The following SLC5A4 variants were observed in gnomAD, a reference collection of about 807,000 sequenced individuals.
SLC5A4 encodes the protein solute carrier family 5 member 4.
A neutral mutation model predicts 70.3 loss-of-function variants in SLC5A4; 55 were observed. The ratio of observed to expected loss-of-function variants is 0.78; its 90% CI spans 0.63 to 0.98. The LOEUF is 0.98. Ranked by LOEUF, SLC5A4 falls within the 50% of genes least tolerant of loss-of-function variation. The pLI, the probability that SLC5A4 is intolerant of heterozygous loss-of-function variation, is 0.00. For synonymous variants in SLC5A4, 268 were observed against 305.7 expected, an observed-to-expected ratio of 0.88 and a Z score of 1.29; for missense variants, 735 against 839.2, an observed-to-expected ratio of 0.88 and a Z score of 1.53.
the SLC5A4 span, among the ~76,000 whole-genome samples, chr22:32,331,719 G>A: frequency 1.3e-5 from 2 of 152,090 alleles, no homozygotes; most frequent in African/African-American, 2.4e-5. Context: ...GGGAAGCAAG[G>A]GACATCGCAG....
intron 14 of SLC5A4, among the ~76,000 whole-genome samples, chr22:32,219,526 G>A (rs893715206): frequency 3.3e-5 from 5 of 149,730 alleles, no homozygotes; most frequent in Admixed American, 6.7e-5. Flanking sequence ...TTACTTTGAG[G>A]GAAATGTATA....
chr22:32,230,322 C>T (rs759197290), intron 10 of SLC5A4, among the ~76,000 whole-genome samples: 5 of 152,122 alleles, frequency 3.3e-5, no homozygotes, highest in Non-Finnish European at 7.4e-5. Context: ...TACCCTACTC[C>T]ATTTCTGTTC....
the SLC5A4 span, among the ~76,000 whole-genome samples, chr22:32,317,677 G>A: frequency 6.6e-6 from 1 of 152,082 alleles, no homozygotes; most frequent in Non-Finnish European, 1.5e-5. Context: ...TTTTGCCCAG[G>A]CTGATCTTGA....
At chr22:32,309,243 G>C in the SLC5A4 span, among the ~76,000 whole-genome samples, 1 of 152,158 alleles carries the variant, frequency 6.6e-6, no homozygotes, top group African/African-American at 2.4e-5. Flanking sequence ...ACACAGATGA[G>C]AGGGAAAGCA....
chr22:32,291,413 G>A, the SLC5A4 span, among the ~76,000 whole-genome samples: 1 of 151,994 alleles, frequency 6.6e-6, no homozygotes, highest in Non-Finnish European at 1.5e-5. Context: ...TCCTGACCTC[G>A]TGATCCACCC....
chr22:32,301,878 G>A, the SLC5A4 span, among the ~76,000 whole-genome samples: 21 of 151,942 alleles, frequency 1.4e-4, no homozygotes, highest in Admixed American at 1.0e-3. Flanking sequence ...TGGTCAGTTG[G>A]TTTTTGATAG....
At chr22:32,228,350 G>A (rs1925527671) in intron 11 of SLC5A4, among the ~76,000 whole-genome samples, 1 of 152,062 alleles carries the variant, frequency 6.6e-6, no homozygotes, top group East Asian at 1.9e-4. Flanking sequence ...AGACCAGCCC[G>A]GCCAACGATG....
In SLC5A4 at chr22:32,224,399, G is replaced by T; in HGVS notation, c.1533C>A (p.Cys511Ter). 6.2e-7 allele frequency: 1 copy of T among 1,613,794 alleles called. No homozygotes were observed. The change falls in exon 13 of 15, where the codon TGC becomes TGA. Residue 511 changes from cysteine to a stop codon, truncating the protein, a stop_gained. Transcript: ENST00000266086. LOFTEE classifies it high-confidence loss of function. ...ITEFAYGTGSCLAPSNCPKII... is the reference protein window; with the variant it reads ...ITEFAYGTGS ...TCTTGGGACAGTTACTGGGAGCCAAGCAACTCCCTGTTCCATAAGCAAACT... is the reference window on the plus strand; with the variant it reads ...TCTTGGGACAGTTACTGGGAGCCAATCAACTCCCTGTTCCATAAGCAAACT...
At chr22:32,294,746 G>A in the SLC5A4 span, among the ~76,000 whole-genome samples, 25 of 138,024 alleles carry the variant, frequency 1.8e-4, no homozygotes, top group African/African-American at 6.5e-4. Context: ...CATGTGCCAT[G>A]CTGGTGCGCT....
intron 5 of SLC5A4, among the ~76,000 whole-genome samples, chr22:32,241,640 T>G (rs1448352699): frequency 6.6e-6 from 1 of 152,188 alleles, no homozygotes; most frequent in African/African-American, 2.4e-5. Context: ...AGGTCATTTG[T>G]CAATTTATGC....
chr22:32,308,983 G>C, the SLC5A4 span, among the ~76,000 whole-genome samples: 1 of 152,166 alleles, frequency 6.6e-6, no homozygotes, highest in Admixed American at 6.5e-5. Context: ...CTGTCGCCCA[G>C]ACTAGAGTGC....
the SLC5A4 span, among the ~76,000 whole-genome samples, chr22:32,321,446 T>C: frequency 6.6e-6 from 1 of 152,202 alleles, no homozygotes; most frequent in Non-Finnish European, 1.5e-5. Flanking sequence ...AGCGAGACTC[T>C]GTCTCAAAAA....
At chr22:32,304,401 A>C in the SLC5A4 span, among the ~76,000 whole-genome samples, 16 of 151,780 alleles carry the variant, frequency 1.1e-4, no homozygotes, top group Admixed American at 1.0e-3. Context: ...TCAGCCTCTC[A>C]AAAGTACTGG....
At chr22:32,279,613 A>G in the SLC5A4 span, among the ~76,000 whole-genome samples, 1 of 152,244 alleles carries the variant, frequency 6.6e-6, no homozygotes, top group Non-Finnish European at 1.5e-5. Context: ...CAACACGGTG[A>G]AACACTGTCT....
chr22:32,272,906 G>T, the SLC5A4 span: 4 of 521,612 alleles, frequency 7.7e-6, no homozygotes, highest in Non-Finnish European at 1.5e-5. Flanking sequence ...CACCACACAG[G>T]CCTCAACCTC....
intron 7 of SLC5A4, among the ~76,000 whole-genome samples, chr22:32,235,635 G>A (rs1490523546): frequency 1.3e-5 from 2 of 151,794 alleles, no homozygotes; most frequent in Non-Finnish European, 2.9e-5. Context: ...GAAATTGGGA[G>A]TGGCAGGTTA....
At chr22:32,283,018 G>T in the SLC5A4 span, among the ~76,000 whole-genome samples, 4 of 152,178 alleles carry the variant, frequency 2.6e-5, no homozygotes, top group African/African-American at 9.7e-5. Context: ...CTCAAACCTT[G>T]CCGAGCCTCC....
At chr22:32,333,201 C>CCCCCG in the SLC5A4 span, among the ~76,000 whole-genome samples, 1 of 147,294 alleles carries the variant, frequency 6.8e-6, no homozygotes, top group East Asian at 2.1e-4. Flanking sequence ...CTGGCACCCC[C>CCCCCG]CCCCCAGAAG....
At chr22:32,292,724 T>C in the SLC5A4 span, among the ~76,000 whole-genome samples, 14 of 152,318 alleles carry the variant, frequency 9.2e-5, no homozygotes, top group Non-Finnish European at 2.9e-5. Flanking sequence ...AAAAGTTCTG[T>C]GTCTGTATGA....
Sources: allele counts gnomAD v4.1 joint callset (sites outside exome capture counted in the v4.1 genomes callset), GRCh38; gene constraint gnomAD v4.1.1; transcripts MANE v1.5; gene names NCBI Gene and HGNC (gene_info 2026-07-23, HGNC 2026-07-21).